SEPHS1: variants seen among roughly 807,000 people sequenced by gnomAD.
The protein encoded by SEPHS1 is selenophosphate synthetase 1.
Under a neutral mutation model 39.2 loss-of-function variants are expected in SEPHS1, and 7 were observed. That is an observed-to-expected ratio of 0.18 (90% confidence interval 0.10 to 0.34). SEPHS1 has a LOEUF of 0.34. Ranked by LOEUF, SEPHS1 falls within the 10% of genes least tolerant of loss-of-function variation. SEPHS1 has a pLI of 1.00. For synonymous variants in SEPHS1, 190 were observed against 195.5 expected (o/e 0.97, Z 0.23); for missense variants, 253 against 514.5 (o/e 0.49, Z 4.92).
At chr10:13,347,077 G>A (rs981533494) in intron 1 of SEPHS1, among the ~76,000 whole-genome samples, 1 of 152,134 alleles carries the variant, frequency 6.6e-6, no homozygotes, top group African/African-American at 2.4e-5. Flanking sequence ...CATTAATAAG[G>A]GACGGTGCCC....
intron 5 of SEPHS1, among the ~76,000 whole-genome samples, chr10:13,331,565 TAG>T (rs949141124): frequency 6.6e-6 from 1 of 152,076 alleles, no homozygotes; most frequent in Non-Finnish European, 1.5e-5. Flanking sequence ...GTATTTTTAG[TAG>T]AGACAGGGTT....
chr10:13,342,434 T>C (rs1833819821), intron 2 of SEPHS1, among the ~76,000 whole-genome samples: 1 of 145,310 alleles, frequency 6.9e-6, no homozygotes, highest in Non-Finnish European at 1.5e-5. Flanking sequence ...CACAAAAAAA[T>C]TTAGCTGGGT....
chr10:13,325,422 C>T (rs574022204), intron 7 of SEPHS1, among the ~76,000 whole-genome samples: 48 of 152,254 alleles, frequency 3.2e-4, no homozygotes, highest in Admixed American at 8.5e-4. Flanking sequence ...TTCCCTCGTG[C>T]TGTTCTCGTC....
rs569193356 is a variant in SEPHS1, at chr10:13,337,806, CAG to C, written c.297+897_297+898del. Among the ~76,000 whole-genome samples the C allele has an allele frequency of 1.7e-3, 261 of 152,268 alleles. 1 individual carries two copies. Among genetic ancestry groups the C allele is most frequent in the African/African-American group, 6.1e-3 (252 of 41,550 alleles). On this transcript the variant is annotated intron_variant, in intron 3 of 8. Transcript: ENST00000327347. The stretch of plus-strand genomic sequence containing the variant: ...CTGCCCAGTCTCAAGAGTATTGCTC[CAG>C]AGGAGAAAACGGACAGATGTGCGGA...
At chr10:13,339,124 G>A (rs1833720049) in intron 2 of SEPHS1, among the ~76,000 whole-genome samples, 2 of 152,040 alleles carry the variant, frequency 1.3e-5, no homozygotes, top group Non-Finnish European at 1.5e-5. Flanking sequence ...TATTACTGTA[G>A]CGTGTGACTG....
intron 7 of SEPHS1, among the ~76,000 whole-genome samples, chr10:13,325,594 G>C (rs1015793814): frequency 6.6e-6 from 1 of 152,130 alleles, no homozygotes; most frequent in African/African-American, 2.4e-5. Context: ...GTGAAACTGT[G>C]AGTAAATTAA....
rs141870079 is a variant in SEPHS1, at chr10:13,343,895, A to T, written c.193+863T>A. On this transcript the variant is annotated intron_variant, in intron 2 of 8. Transcript: ENST00000327347. ...TCCGAAACTATGCGTCGAACACAAGAAAAGTGATCACAGTCTTGTACTGTG... is the reference window on the plus strand; with the variant it reads ...TCCGAAACTATGCGTCGAACACAAGTAAAGTGATCACAGTCTTGTACTGTG... 2.9e-3 allele frequency among the ~76,000 whole-genome samples: 446 copies of T among 152,322 alleles called. 3 individuals carry two copies. The highest frequency in any genetic ancestry group is 0.017 in the Middle Eastern group (5 of 294).
chr10:13,339,677 C>G (rs1316239746), intron 2 of SEPHS1, among the ~76,000 whole-genome samples: 3 of 152,130 alleles, frequency 2.0e-5, no homozygotes, highest in African/African-American at 7.2e-5. Flanking sequence ...CACAGATGCT[C>G]AAATCCCTGA....
intron 7 of SEPHS1, among the ~76,000 whole-genome samples, chr10:13,325,722 C>A (rs1437339613): frequency 6.6e-6 from 1 of 151,574 alleles, no homozygotes; most frequent in Non-Finnish European, 1.5e-5. Flanking sequence ...CATGGTGAAA[C>A]CCCGTCTCTA....
At chr10:13,338,835 CA>C (rs1233720983) in intron 2 of SEPHS1, 27 bp from the exon 3 acceptor site, 2 of 1,537,470 alleles carry the variant, frequency 1.3e-6, no homozygotes, top group Admixed American at 3.3e-5. Flanking sequence ...CATTAGCATC[CA>C]AAAATAAAAC....
In SEPHS1 at chr10:13,338,934, C is replaced by T. The variant is rs144055482; in HGVS notation, c.194-126G>A. ...TGGAAACTGCAGGCTGCCAATGAAG[C>T]CATGTGTTTCCTATCAAGAAGCGTA... On this transcript the variant is annotated intron_variant, in intron 2 of 8. Coordinates refer to ENST00000327347, the MANE Select transcript of SEPHS1 (RefSeq NM_012247.5). 1.4e-3 allele frequency: 1,028 copies of T among 711,356 alleles called. 13 individuals are homozygous for T. Among genetic ancestry groups the T allele is most frequent in the South Asian group, 0.01 (673 of 64,904 alleles). 44.1% of individuals were successfully genotyped at this position (711,356 alleles called of 1,614,324 possible).
At chr10:13,344,558 TGGGTG>T (rs1253203966) in intron 2 of SEPHS1, among the ~76,000 whole-genome samples, 195 bp downstream of exon 2, 2 of 152,182 alleles carry the variant, frequency 1.3e-5, no homozygotes, top group Non-Finnish European at 2.9e-5. Flanking sequence ...GTACACTATT[TGGGTG>T]ATGGCTACAC....
intron 7 of SEPHS1, among the ~76,000 whole-genome samples, chr10:13,325,541 C>A (rs1489569134): frequency 6.6e-6 from 1 of 152,176 alleles, no homozygotes; most frequent in Non-Finnish European, 1.5e-5. Flanking sequence ...TTCCCCTTCA[C>A]CATCTGCCAC....
At chr10:13,322,755 C>G in intron 8 of SEPHS1, 80 bp downstream of exon 8, 1 of 1,361,662 alleles carries the variant, frequency 7.3e-7, no homozygotes, top group South Asian at 1.3e-5. Context: ...GGGGCCCACT[C>G]GGGGTGGGGC....
intron 5 of SEPHS1, among the ~76,000 whole-genome samples, chr10:13,333,492 G>A (rs1054869400): frequency 1.3e-5 from 2 of 151,462 alleles, no homozygotes; most frequent in Admixed American, 1.3e-4. Flanking sequence ...CCAGGCTAGA[G>A]TGCAGGGGCA....
intron 7 of SEPHS1, among the ~76,000 whole-genome samples, chr10:13,324,898 C>T (rs977076883): frequency 6.6e-6 from 1 of 152,236 alleles, no homozygotes; most frequent in South Asian, 2.1e-4. Context: ...CTTTAATCTA[C>T]AGTTCCCTAT....
At chr10:13,319,507 G>C in intron 8 of SEPHS1, 151 bp from the exon 9 acceptor site, 1 of 763,982 alleles carries the variant, frequency 1.3e-6, no homozygotes, top group Non-Finnish European at 2.2e-6. Flanking sequence ...GCTTTTTTTT[G>C]AGACAGGGTC....
rs1395283482 is a variant in SEPHS1, at chr10:13,348,180, CGCGGCCCTGCGGGA to C, written c.-273_-260del. 6.9e-6 allele frequency: 1 copy of C among 144,232 alleles called. No homozygotes were observed. The highest frequency in any genetic ancestry group is 1.5e-5 in the Non-Finnish European group (1 of 65,076). The allele number at this position is 144,232 out of a possible 1,614,324, so 8.9% of individuals were successfully genotyped here. On this transcript the variant is annotated 5_prime_UTR_variant, in exon 1 of 9. Transcript: ENST00000327347. ...CGCCGCGGGGGCTCGCCTGCCTCGGCGCGGCCCTGCGGGAGCCGGGCCGCCGCGCTCCCGCCGGC... is the reference window on the plus strand; with the variant it reads ...CGCCGCGGGGGCTCGCCTGCCTCGGCGCCGGGCCGCCGCGCTCCCGCCGGC...
intron 6 of SEPHS1, 80 bp from the exon 7 acceptor site, chr10:13,328,530 G>A (rs1833372944): frequency 3.0e-6 from 3 of 997,340 alleles, no homozygotes; most frequent in African/African-American, 1.6e-5. Flanking sequence ...GAGAAAAACA[G>A]CAACTTTTTC....
Sources: allele counts gnomAD v4.1 joint callset (sites outside exome capture counted in the v4.1 genomes callset), GRCh38; gene constraint gnomAD v4.1.1; transcripts MANE v1.5; gene names NCBI Gene and HGNC (gene_info 2026-07-23, HGNC 2026-07-21).